Variants in XKR6 observed in about 807,000 individuals in gnomAD.
XKR6 encodes the protein XK-related protein 6.
XKR6 carries 22 observed loss-of-function variants against 56.7 expected under a neutral mutation model. The observed-to-expected ratio is 0.39, with a 90% CI of 0.28 to 0.55. The LOEUF (loss-of-function observed/expected upper bound fraction) is 0.55, where lower values mean the gene tolerates loss of function less well. Ranked by LOEUF, XKR6 falls within the 20% of genes least tolerant of loss-of-function variation. The pLI is 0.66. For synonymous variants in XKR6, 524 were observed against 387.8 expected (o/e 1.35, Z -4.13); for missense variants, 852 against 889.0 (o/e 0.96, Z 0.53).
intron 1 of XKR6, among the ~76,000 whole-genome samples, chr8:11,110,381 T>C (rs1365048700): frequency 1.3e-5 from 2 of 152,228 alleles, no homozygotes; most frequent in African/African-American, 4.8e-5. Context: ...TGGGGTAGAC[T>C]ATTCAGCTTC....
At chr8:11,176,295 C>G (rs1255458397) in intron 1 of XKR6, among the ~76,000 whole-genome samples, 2 of 152,164 alleles carry the variant, frequency 1.3e-5, no homozygotes, top group African/African-American at 4.8e-5. Flanking sequence ...AAAATGGTTA[C>G]TCTTATTTCC....
chr8:11,140,581 G>C (rs1029868887), intron 1 of XKR6, among the ~76,000 whole-genome samples: 1 of 152,122 alleles, frequency 6.6e-6, no homozygotes, highest in Non-Finnish European at 1.5e-5. Context: ...CACTAGACAA[G>C]GATTCAAGAT....
chr8:10,916,887 G>C (rs1800578944), intron 2 of XKR6, among the ~76,000 whole-genome samples: 2 of 152,152 alleles, frequency 1.3e-5, no homozygotes, highest in South Asian at 4.1e-4. Context: ...CCTCTAGAAG[G>C]GCTTCTGATA....
chr8:10,908,167 T>C (rs757706145), intron 2 of XKR6, among the ~76,000 whole-genome samples: 8 of 152,160 alleles, frequency 5.3e-5, no homozygotes, highest in Non-Finnish European at 1.2e-4. Context: ...CAGAAGACTG[T>C]GCTCACCCAT....
chr8:11,179,801 G>A (rs574231296), intron 1 of XKR6, among the ~76,000 whole-genome samples: 1 of 152,296 alleles, frequency 6.6e-6, no homozygotes, highest in East Asian at 1.9e-4. Context: ...CTACCTTAAA[G>A]GAGTTTACCA....
At chr8:11,098,103 G>A (rs1009611330) in intron 1 of XKR6, among the ~76,000 whole-genome samples, 8 of 152,062 alleles carry the variant, frequency 5.3e-5, no homozygotes, top group African/African-American at 1.9e-4. Context: ...TTACAGACCA[G>A]CAGCACTGGC....
chr8:10,989,955 T>C (rs1254451850), intron 1 of XKR6, among the ~76,000 whole-genome samples: 2 of 152,226 alleles, frequency 1.3e-5, no homozygotes, highest in African/African-American at 4.8e-5. Flanking sequence ...TCATGCTTCA[T>C]TCTGTATCTA....
chr8:11,190,690 T>G (rs950945996), intron 1 of XKR6, among the ~76,000 whole-genome samples: 5 of 152,000 alleles, frequency 3.3e-5, no homozygotes, highest in African/African-American at 1.2e-4. Context: ...GCCCCAGAGG[T>G]TGAAGAATAT....
At chr8:10,900,648 T>C (rs1173634991) in intron 2 of XKR6, among the ~76,000 whole-genome samples, 2 of 152,238 alleles carry the variant, frequency 1.3e-5, no homozygotes. Context: ...TTTCCTTTTC[T>C]TTTCTAGAAA....
rs1798118795 is a variant in XKR6, at chr8:11,092,761, T to C, written c.764+107815A>G. ...GCCAGAAAAGAACTCAGAATCCCTT[T>C]CAACCTCTTTCAATTTTTCTGGTCT... On this transcript the variant is annotated intron_variant, in intron 1 of 2. Transcript: ENST00000416569. 2.6e-5 allele frequency among the ~76,000 whole-genome samples: 4 copies of C among 152,242 alleles called. No homozygotes were observed. The South Asian group carries it at 8.3e-4, about 31-fold the overall frequency.
chr8:11,008,208 C>T (rs1798416477), intron 1 of XKR6, among the ~76,000 whole-genome samples: 1 of 152,186 alleles, frequency 6.6e-6, no homozygotes, highest in Non-Finnish European at 1.5e-5. Context: ...ATCTCTCTAG[C>T]TTGTCTTCCC....
At chr8:11,082,070 G>C (rs1159635749) in intron 1 of XKR6, among the ~76,000 whole-genome samples, 2 of 152,188 alleles carry the variant, frequency 1.3e-5, no homozygotes, top group African/African-American at 4.8e-5. Flanking sequence ...GCTGGTGTAG[G>C]CTTTGCAGAC....
chr8:11,139,848 C>A (rs751507289), intron 1 of XKR6, among the ~76,000 whole-genome samples: 2 of 152,040 alleles, frequency 1.3e-5, no homozygotes, highest in Non-Finnish European at 2.9e-5. Flanking sequence ...AAACTTACTA[C>A]GAGAGAAAGA....
intron 1 of XKR6, among the ~76,000 whole-genome samples, chr8:10,984,726 C>CTATATATATATATATATA (rs1403239181): frequency 2.8e-5 from 2 of 70,290 alleles, no homozygotes; most frequent in African/African-American, 6.7e-5. Flanking sequence ...CTCTCTCTCT[C>CTATATATATATATATATA]TCTCTCTATA....
At chr8:11,008,418 CTTTTT>C (rs35571220) in intron 1 of XKR6, among the ~76,000 whole-genome samples, 44 of 104,152 alleles carry the variant, frequency 4.2e-4, no homozygotes, top group African/African-American at 1.5e-3. Context: ...GCTCCCCAGG[CTTTTT>C]TTTTTTTTTT....
chr8:11,050,150 G>C (rs1479950399), intron 1 of XKR6, among the ~76,000 whole-genome samples: 1 of 152,238 alleles, frequency 6.6e-6, no homozygotes, highest in African/African-American at 2.4e-5. Flanking sequence ...CGGTGCTGTT[G>C]TGGCTAGCAC....
chr8:11,070,583 T>A (rs1800089982), intron 1 of XKR6, among the ~76,000 whole-genome samples: 1 of 152,194 alleles, frequency 6.6e-6, no homozygotes, highest in Non-Finnish European at 1.5e-5. Context: ...TCCTGAAATA[T>A]GCCAGTGCCT....
intron 1 of XKR6, among the ~76,000 whole-genome samples, chr8:11,098,849 T>C (rs1798359381): frequency 6.6e-6 from 1 of 152,216 alleles, no homozygotes. Context: ...CTGTTCTGTT[T>C]CAAAAGTTGG....
rs765747323 is a variant in XKR6 at position 10,924,614 on chromosome 8, C to T, written c.961+20G>A. 1.1e-5 allele frequency: 18 copies of T among 1,588,616 alleles called. No homozygotes were observed. Among genetic ancestry groups the T allele is most frequent in the Admixed American group, 5.1e-5 (3 of 58,794 alleles). ...TGGAGGGCAGGCCGGGGTGGCGGGG[C>T]GCGGCCGGCGGGCACTCACAGGGCA... On this transcript the variant is annotated intron_variant, in intron 2 of 2. Transcript: ENST00000416569.
Sources: gnomAD v4.1 joint callset for allele counts (sites outside exome capture counted in the v4.1 genomes callset) on GRCh38, gnomAD v4.1.1 for gene constraint, MANE v1.5 for transcripts, NCBI Gene and HGNC (gene_info 2026-07-23, HGNC 2026-07-21) for gene names.